NTM: variants seen among roughly 807,000 people sequenced by gnomAD.
The protein encoded by NTM is neurotrimin.
In NTM, 13 loss-of-function variants were observed where a neutral mutation model predicts 42.1. That is an observed-to-expected ratio of 0.31 (90% CI 0.20 to 0.49). The LOEUF (loss-of-function observed/expected upper bound fraction) is 0.49. Among genes scored for constraint, NTM ranks in the 20% least tolerant of loss-of-function variants. The pLI is 0.99. For missense variants in NTM, 373 were observed against 452.8 expected (o/e 0.82, Z 1.60); for synonymous variants, 187 against 179.2 (o/e 1.04, Z -0.35).
chr11:132,037,631 T>C (rs1435387849), intron 2 of NTM, among the ~76,000 whole-genome samples: 2 of 152,182 alleles, frequency 1.3e-5, no homozygotes, highest in Non-Finnish European at 2.9e-5. Context: ...TCAGAGAAGC[T>C]TCTTCCCACT....
At chr11:131,688,869 G>A (rs1474440448) in intron 1 of NTM, among the ~76,000 whole-genome samples, 1 of 152,158 alleles carries the variant, frequency 6.6e-6, no homozygotes, top group African/African-American at 2.4e-5. Context: ...TCCCATCCCC[G>A]TCTGAGATGG....
At chr11:131,514,300 T>C (rs2048618820) in intron 1 of NTM, among the ~76,000 whole-genome samples, 1 of 152,118 alleles carries the variant, frequency 6.6e-6, no homozygotes, top group Non-Finnish European at 1.5e-5. Context: ...ATCTACTTGA[T>C]AGTGTTGTAA....
At chr11:131,475,072 G>T (rs1952791026) in intron 1 of NTM, among the ~76,000 whole-genome samples, 1 of 152,110 alleles carries the variant, frequency 6.6e-6, no homozygotes, top group Non-Finnish European at 1.5e-5. Context: ...TGTTCCTTCT[G>T]CCTGAAACAT....
chr11:131,723,073 G>A (rs2078558641), intron 1 of NTM, among the ~76,000 whole-genome samples: 1 of 152,226 alleles, frequency 6.6e-6, no homozygotes, highest in African/African-American at 2.4e-5. Flanking sequence ...GTTGATGGCT[G>A]ATCTGAGACA....
At chr11:131,414,413 G>A (rs544377594) in intron 1 of NTM, among the ~76,000 whole-genome samples, 220 of 152,302 alleles carry the variant, frequency 1.4e-3, no homozygotes, top group Non-Finnish European at 4.1e-4. Flanking sequence ...TCCCTCTAAA[G>A]GGGCCAGTGC....
chr11:131,801,479 G>T (rs532898433), intron 1 of NTM, among the ~76,000 whole-genome samples: 1 of 152,132 alleles, frequency 6.6e-6, no homozygotes, highest in East Asian at 1.9e-4. Flanking sequence ...GTTGTGTTCC[G>T]CTCAGCTTGG....
chr11:132,069,118 G>T (rs541296234), intron 2 of NTM, among the ~76,000 whole-genome samples: 1 of 151,652 alleles, frequency 6.6e-6, no homozygotes, highest in South Asian at 2.1e-4. Flanking sequence ...TCACAGGTTA[G>T]TTTACACGTC....
intron 1 of NTM, among the ~76,000 whole-genome samples, chr11:131,495,547 G>C (rs1346500696): frequency 2.0e-5 from 3 of 152,244 alleles, no homozygotes; most frequent in African/African-American, 4.8e-5. Context: ...CCTATGCGGT[G>C]CTGGGCCAGT....
intron 4 of NTM, among the ~76,000 whole-genome samples, chr11:132,287,191 TGGTG>T (rs1292994063): frequency 6.6e-6 from 1 of 152,204 alleles, no homozygotes; most frequent in Non-Finnish European, 1.5e-5. Context: ...GTTTCAGTCC[TGGTG>T]GGTGTAAAGC....
chr11:131,571,779 G>T (rs2057462924), intron 1 of NTM, among the ~76,000 whole-genome samples: 1 of 152,216 alleles, frequency 6.6e-6, no homozygotes, highest in Non-Finnish European at 1.5e-5. Context: ...TCTGAATCCT[G>T]TACTATTTAA....
chr11:132,262,882 G>A (rs1306563780), intron 4 of NTM, among the ~76,000 whole-genome samples: 1 of 152,162 alleles, frequency 6.6e-6, no homozygotes, highest in African/African-American at 2.4e-5. Context: ...AATCAGGTGT[G>A]AGACAAAATT....
intron 1 of NTM, chr11:131,605,823 A>G: frequency 4.1e-6 from 4 of 984,868 alleles, no homozygotes; most frequent in South Asian, 4.7e-5. Flanking sequence ...AGACAGCCCT[A>G]TTTCTAACTG....
At chr11:132,315,040 ATAGGAGAAAAATACT>A in intron 7 of NTM, 1 of 1,079,940 alleles carries the variant, frequency 9.3e-7, no homozygotes, top group Non-Finnish European at 1.1e-6. Flanking sequence ...AGATCCCGAG[ATAGGAGAAAAATACT>A]TTGGAATGCC....
chr11:131,610,051 T>G (rs2061344593), intron 1 of NTM, among the ~76,000 whole-genome samples: 1 of 152,190 alleles, frequency 6.6e-6, no homozygotes, highest in Non-Finnish European at 1.5e-5. Context: ...AAAACAAAAA[T>G]GCAAAGGCAC....
intron 1 of NTM, among the ~76,000 whole-genome samples, chr11:131,381,429 A>T (rs1251677083): frequency 6.6e-6 from 1 of 152,220 alleles, no homozygotes; most frequent in Non-Finnish European, 1.5e-5. Flanking sequence ...TTATAGTTGG[A>T]TAAACCATTT....
intron 4 of NTM, among the ~76,000 whole-genome samples, chr11:132,224,907 G>A (rs1267971584): frequency 6.6e-6 from 1 of 152,170 alleles, no homozygotes; most frequent in Non-Finnish European, 1.5e-5. Context: ...GGAGAACTAG[G>A]GGTTCTCTGT....
chr11:132,089,523 T>C (rs1017642148), intron 2 of NTM, among the ~76,000 whole-genome samples: 1 of 152,204 alleles, frequency 6.6e-6, no homozygotes, highest in African/African-American at 2.4e-5. Flanking sequence ...CATTTGCTAT[T>C]GTTTCTGCTG....
At chr11:132,128,422 G>A (rs1173183436) in intron 2 of NTM, among the ~76,000 whole-genome samples, 1 of 152,246 alleles carries the variant, frequency 6.6e-6, no homozygotes, top group South Asian at 2.1e-4. Context: ...GCTGCCTGGG[G>A]ACTGTAGAGA....
intron 1 of NTM, among the ~76,000 whole-genome samples, chr11:131,494,502 C>A (rs1458923483): frequency 1.3e-5 from 2 of 152,150 alleles, no homozygotes; most frequent in African/African-American, 2.4e-5. Context: ...TTATGGTAAC[C>A]AATTGAACCC....
Sources: allele counts gnomAD v4.1 joint callset (sites outside exome capture counted in the v4.1 genomes callset), GRCh38; gene constraint gnomAD v4.1.1; transcripts MANE v1.5; gene names NCBI Gene and HGNC (gene_info 2026-07-23, HGNC 2026-07-21).